The following SLC9A9 variants were observed in gnomAD, a reference collection of about 807,000 sequenced individuals.
SLC9A9 encodes sodium/hydrogen exchanger 9.
Under a neutral mutation model 77.8 loss-of-function variants are expected in SLC9A9, and 62 were observed. The observed-to-expected ratio is 0.80, with a 90% CI of 0.65 to 0.98. The LOEUF (loss-of-function observed/expected upper bound fraction) is 0.98, where lower values mean the gene tolerates loss of function less well. Ranked by LOEUF, SLC9A9 falls within the 50% of genes least tolerant of loss-of-function variation. The pLI, the probability that SLC9A9 is intolerant of heterozygous loss-of-function variation, is 0.00. For synonymous variants in SLC9A9, 320 were observed against 283.5 expected, an observed-to-expected ratio of 1.13 and a Z score of -1.29; for missense variants, 775 against 774.9, an observed-to-expected ratio of 1.00 and a Z score of 0.00.
chr3:143,304,094 C>T (rs1385024680), intron 14 of SLC9A9, among the ~76,000 whole-genome samples: 1 of 152,196 alleles, frequency 6.6e-6, no homozygotes, highest in Non-Finnish European at 1.5e-5. Context: ...ACTTCTTAGT[C>T]ACCCACTGGA....
chr3:143,783,824 T>A (rs2007960144), intron 4 of SLC9A9, among the ~76,000 whole-genome samples: 1 of 152,214 alleles, frequency 6.6e-6, no homozygotes, highest in Non-Finnish European at 1.5e-5. Flanking sequence ...TTTTCATTTT[T>A]AAATTACTCT....
At chr3:143,618,390 A>T (rs762769540) in intron 6 of SLC9A9, among the ~76,000 whole-genome samples, 1 of 152,192 alleles carries the variant, frequency 6.6e-6, no homozygotes, top group Non-Finnish European at 1.5e-5. Context: ...GCCTTCCATA[A>T]TAGGAGTAGA....
At chr3:143,619,605 C>T (rs554084972) in intron 6 of SLC9A9, among the ~76,000 whole-genome samples, 293 of 152,230 alleles carry the variant, frequency 1.9e-3, no homozygotes, top group Middle Eastern at 6.8e-3. Context: ...GTGTCAATCC[C>T]GAGGAAAGGC....
intron 4 of SLC9A9, among the ~76,000 whole-genome samples, chr3:143,763,140 T>C (rs1014285468): frequency 5.9e-5 from 9 of 152,158 alleles, no homozygotes; most frequent in Middle Eastern, 3.2e-3. Flanking sequence ...TGGCAGCTTC[T>C]AGTGGCTCTC....
intron 4 of SLC9A9, among the ~76,000 whole-genome samples, chr3:143,706,130 C>T (rs1372766616): frequency 6.6e-6 from 1 of 152,166 alleles, no homozygotes; most frequent in Non-Finnish European, 1.5e-5. Flanking sequence ...GAATTTTTCC[C>T]CTGGACTGCA....
At chr3:143,788,368 T>C (rs1413576556) in intron 4 of SLC9A9, among the ~76,000 whole-genome samples, 2 of 152,080 alleles carry the variant, frequency 1.3e-5, no homozygotes, top group Non-Finnish European at 2.9e-5. Flanking sequence ...TTGACAGCAT[T>C]AAAATCAAGA....
At chr3:143,741,890 C>A (rs1036282147) in intron 4 of SLC9A9, among the ~76,000 whole-genome samples, 1 of 152,096 alleles carries the variant, frequency 6.6e-6, no homozygotes, top group Non-Finnish European at 1.5e-5. Flanking sequence ...GCTGAGTTAA[C>A]TTTGGGAGAA....
Position 143,399,507 on chromosome 3 carries a change from C to G in SLC9A9, c.1470-17393G>C, listed in dbSNP as rs115382742. Among the ~76,000 whole-genome samples the G allele has an allele frequency of 9.5e-3, 1,442 of 152,076 alleles. 44 individuals are homozygous for G. The highest frequency in any genetic ancestry group is 0.056 in the Admixed American group (858 of 15,266). On this transcript the variant is annotated intron_variant, in intron 12 of 15. Coordinates refer to ENST00000316549, the MANE Select transcript of SLC9A9 (RefSeq NM_173653.4). ...CAGGAAAGTGAAAGAAAATTGGCAA[C>G]AATACTATTGGGAAGAAGTTGTCTT...
intron 12 of SLC9A9, among the ~76,000 whole-genome samples, chr3:143,382,962 C>T (rs369373596): frequency 5.8e-4 from 89 of 152,334 alleles, no homozygotes; most frequent in East Asian, 1.5e-3. Flanking sequence ...CACACAGACA[C>T]GCTTGCTATG....
Position 143,474,862 on chromosome 3 carries a change from A to C in SLC9A9, c.1316-7672T>G, listed in dbSNP as rs1410643114. On this transcript the variant is annotated intron_variant, in intron 11 of 15. Coordinates refer to ENST00000316549, the MANE Select transcript of SLC9A9 (RefSeq NM_173653.4). ...TGTACTTGCAGCTTTTCCCACCTGC[A>C]GTGCTCCCCTGAGTCATCCCTTGGC... Among the ~76,000 whole-genome samples the C allele has an allele frequency of 3.9e-5, 6 of 152,142 alleles. No individual in the cohort carries two copies. In the South Asian group the frequency reaches 1.0e-3, roughly 26 times the overall value.
chr3:143,636,607 A>T (rs2038525179), intron 6 of SLC9A9, among the ~76,000 whole-genome samples: 1 of 152,178 alleles, frequency 6.6e-6, no homozygotes, highest in Non-Finnish European at 1.5e-5. Context: ...GTAATTTTTC[A>T]GCCTCATTAC....
intron 9 of SLC9A9, among the ~76,000 whole-genome samples, chr3:143,518,383 G>A (rs1201083846): frequency 2.0e-5 from 3 of 152,206 alleles, no homozygotes; most frequent in Admixed American, 6.5e-5. Flanking sequence ...ATTATGGAAT[G>A]TTTATAACTG....
intron 6 of SLC9A9, among the ~76,000 whole-genome samples, chr3:143,624,145 T>G (rs2038274030): frequency 6.6e-6 from 1 of 152,092 alleles, no homozygotes; most frequent in African/African-American, 2.4e-5. Flanking sequence ...CCAAAAAAAG[T>G]TCAGGACCAG....
chr3:143,650,663 G>C (rs928801293), intron 6 of SLC9A9, among the ~76,000 whole-genome samples: 6 of 152,174 alleles, frequency 3.9e-5, no homozygotes, highest in Admixed American at 6.5e-5. Context: ...TACCAGAATT[G>C]CCGAAGCTGA....
intron 5 of SLC9A9, among the ~76,000 whole-genome samples, chr3:143,676,472 C>T (rs1932891563): frequency 6.6e-6 from 1 of 152,082 alleles, no homozygotes; most frequent in Non-Finnish European, 1.5e-5. Flanking sequence ...GGTGTGGTGG[C>T]TCATGCCTGT....
At chr3:143,617,096 G>A (rs2038118292) in intron 6 of SLC9A9, among the ~76,000 whole-genome samples, 1 of 152,188 alleles carries the variant, frequency 6.6e-6, no homozygotes, top group African/African-American at 2.4e-5. Flanking sequence ...CTTGATGATG[G>A]ATGCCTAGGG....
At chr3:143,524,969 C>A (rs1576553385) in intron 9 of SLC9A9, among the ~76,000 whole-genome samples, 1 of 152,262 alleles carries the variant, frequency 6.6e-6, no homozygotes, top group Non-Finnish European at 1.5e-5. Flanking sequence ...CTGATCTTGG[C>A]CCTCCCAGCC....
At chr3:143,368,179 A>G (rs2032959605) in intron 13 of SLC9A9, among the ~76,000 whole-genome samples, 1 of 152,164 alleles carries the variant, frequency 6.6e-6, no homozygotes, top group South Asian at 2.1e-4. Flanking sequence ...AGAGGTTGGG[A>G]AGTGACAGAA....
intron 14 of SLC9A9, among the ~76,000 whole-genome samples, chr3:143,317,329 A>C (rs1344822275): frequency 6.6e-6 from 1 of 151,898 alleles, no homozygotes; most frequent in East Asian, 1.9e-4. Flanking sequence ...CCGAGGAGCT[A>C]CTGCTCCTGC....
Sources: allele counts gnomAD v4.1 joint callset (sites outside exome capture counted in the v4.1 genomes callset), GRCh38; gene constraint gnomAD v4.1.1; transcripts MANE v1.5; gene names NCBI Gene and HGNC (gene_info 2026-07-23, HGNC 2026-07-21).